Variants in TSHZ2 observed in about 807,000 individuals in gnomAD.
TSHZ2 encodes the protein teashirt zinc finger homeobox 2, also known as teashirt homolog 2.
Under a neutral mutation model 74.4 loss-of-function variants are expected in TSHZ2, and 21 were observed. The ratio of observed to expected loss-of-function variants is 0.28; its 90% CI spans 0.20 to 0.41. TSHZ2 has a LOEUF of 0.41. TSHZ2 is among the 10% of genes least tolerant of loss of function. TSHZ2 has a pLI of 1.00. For missense variants in TSHZ2, 1,244 were observed against 1,293.5 expected, an observed-to-expected ratio of 0.96 and a Z score of 0.59; for synonymous variants, 540 against 515.3, an observed-to-expected ratio of 1.05 and a Z score of -0.65.
intron 1 of TSHZ2, among the ~76,000 whole-genome samples, chr20:53,129,917 T>A (rs1031525241): frequency 2.0e-4 from 30 of 151,912 alleles, no homozygotes; most frequent in African/African-American, 6.0e-4. Flanking sequence ...CAACCCTGTG[T>A]TGACAATTTC....
intron 1 of TSHZ2, 135 bp downstream of exon 1, chr20:52,973,468 C>G (rs996617230): frequency 1.7e-6 from 2 of 1,145,824 alleles, no homozygotes; most frequent in African/African-American, 3.1e-5. Context: ...TTCTAATAAC[C>G]CCGTCCTCTC....
intron 2 of TSHZ2, among the ~76,000 whole-genome samples, chr20:53,394,776 A>C (rs1278237873): frequency 3.3e-5 from 5 of 150,472 alleles, no homozygotes; most frequent in Non-Finnish European, 7.4e-5. Context: ...AAAAAAAAAA[A>C]AAAACTGTTC....
Position 53,255,769 on chromosome 20 carries a change from A to G in TSHZ2, c.2311A>G (p.Lys771Glu). 1 of 1,614,044 alleles carries G rather than the reference A, an allele frequency of 6.2e-7. No individual in the cohort carries two copies. The highest frequency in any genetic ancestry group is 8.5e-7 in the Non-Finnish European group (1 of 1,179,984). The change falls in exon 2 of 3, where the codon AAA (lysine) becomes GAA (glutamate). Residue 771 changes from lysine (K) to glutamate (E), a missense_variant. Lys to Glu is a moderately conservative substitution (Grantham distance 56). This residue lies in a region of TSHZ2 where 562 missense variants were observed against 544.0 expected (regional missense o/e 1.03). Coordinates refer to ENST00000371497, the MANE Select transcript of TSHZ2 (RefSeq NM_173485.6). This position sits in a 1 kb window ranked among gnomAD's most constrained non-coding sequence, Gnocchi z 4.1. ...TCAGCCCATTGACCTGACCAAGTCC[A>G]AAAGCAAGAAAGCCGAGTCCTCGCA... ...SDQPIDLTKSKSKKAESSQAQ... is the reference protein window; with the variant it reads ...SDQPIDLTKSESKKAESSQAQ...
At position 53,160,745 on chromosome 20, in the gene TSHZ2, C is replaced by CAAAAAAAA. The variant is rs10653039; in HGVS notation, c.41-92743_41-92736dup. Among the ~76,000 whole-genome samples, 15 of 95,828 alleles carry CAAAAAAAA rather than the reference C, an allele frequency of 1.6e-4. 2 individuals carry two copies. Among genetic ancestry groups the CAAAAAAAA allele is most frequent in the African/African-American group, 5.9e-4 (14 of 23,664 alleles). 62.9% of individuals were successfully genotyped at this position (95,828 alleles called of 152,430 possible). On this transcript the variant is annotated intron_variant, in intron 1 of 2. Transcript: ENST00000371497. ...GGGTGACAGGGCAAGACTCTGTCTC[C>CAAAAAAAA]AAAAAAAAAAAAAAAAAAGACATTT...
chr20:53,109,536 G>A (rs1337368103), intron 1 of TSHZ2, among the ~76,000 whole-genome samples: 2 of 152,202 alleles, frequency 1.3e-5, no homozygotes, highest in Non-Finnish European at 2.9e-5. Context: ...AGACGTAGTT[G>A]CATGGCCCAT....
At chr20:53,154,353 A>G (rs2123448004) in intron 1 of TSHZ2, among the ~76,000 whole-genome samples, 1 of 152,336 alleles carries the variant, frequency 6.6e-6, no homozygotes, top group Non-Finnish European at 1.5e-5. Context: ...ATTCATTAGA[A>G]ATAAGTGTCT....
At chr20:53,192,571 A>AAAT (rs1381080271) in intron 1 of TSHZ2, among the ~76,000 whole-genome samples, 1 of 151,048 alleles carries the variant, frequency 6.6e-6, no homozygotes, top group Non-Finnish European at 1.5e-5. Flanking sequence ...GGAAAAAAAA[A>AAAT]AAAAAAACCC....
At chr20:52,989,164 CAA>C (rs3995491) in intron 1 of TSHZ2, among the ~76,000 whole-genome samples, 2,265 of 126,124 alleles carry the variant, frequency 0.018, 38 homozygotes, top group African/African-American at 0.05. Flanking sequence ...CTCTGTCTGG[CAA>C]AAAAAAAAAA....
At chr20:53,058,601 T>C (rs1193077003) in intron 1 of TSHZ2, among the ~76,000 whole-genome samples, 7 of 152,320 alleles carry the variant, frequency 4.6e-5, no homozygotes, top group African/African-American at 1.7e-4. Flanking sequence ...GTGGGGCCAG[T>C]GTCATTCAAA....
chr20:53,292,999 C>T (rs1991309366), intron 2 of TSHZ2, among the ~76,000 whole-genome samples: 3 of 152,164 alleles, frequency 2.0e-5, no homozygotes, highest in African/African-American at 7.2e-5. Context: ...CATTCACAGT[C>T]AATAGTTTAA....
At chr20:53,029,864 A>G (rs1040002324) in intron 1 of TSHZ2, among the ~76,000 whole-genome samples, 3 of 151,708 alleles carry the variant, frequency 2.0e-5, no homozygotes, top group African/African-American at 4.8e-5. Flanking sequence ...AGTTTTTTTG[A>G]TATCTCCCAA....
At chr20:53,211,263 C>T (rs111293780) in intron 1 of TSHZ2, among the ~76,000 whole-genome samples, 3 of 152,084 alleles carry the variant, frequency 2.0e-5, no homozygotes, top group Non-Finnish European at 2.9e-5. Context: ...CCAAGATCGG[C>T]GTTTAAAATT....
intron 2 of TSHZ2, among the ~76,000 whole-genome samples, chr20:53,377,458 T>G (rs1981697467): frequency 6.6e-6 from 1 of 152,244 alleles, no homozygotes. Flanking sequence ...GACTATCAGA[T>G]GTCAGCAAAC....
intron 1 of TSHZ2, among the ~76,000 whole-genome samples, chr20:53,025,594 G>A (rs376080719): frequency 3.3e-5 from 5 of 152,078 alleles, no homozygotes; most frequent in South Asian, 4.1e-4. Flanking sequence ...GCCTGCCCCC[G>A]GCAGATGACA....
At chr20:53,086,564 C>T (rs1358920891) in intron 1 of TSHZ2, among the ~76,000 whole-genome samples, 1 of 152,090 alleles carries the variant, frequency 6.6e-6, no homozygotes, top group Non-Finnish European at 1.5e-5. Flanking sequence ...GTTGGAGAAA[C>T]CTCCTGTCAG....
At chr20:53,390,807 A>G (rs1479062735) in intron 2 of TSHZ2, among the ~76,000 whole-genome samples, 2 of 152,132 alleles carry the variant, frequency 1.3e-5, no homozygotes, top group Admixed American at 1.3e-4. Context: ...CCTCTCCAGC[A>G]TCTGTTGTTT....
At chr20:53,449,198 T>C (rs1341722448) in intron 2 of TSHZ2, among the ~76,000 whole-genome samples, 1 of 152,186 alleles carries the variant, frequency 6.6e-6, no homozygotes, top group Admixed American at 6.5e-5. Context: ...TAACATGTGG[T>C]CCCTGGAGTC....
chr20:53,144,766 A>G (rs1458876230), intron 1 of TSHZ2, among the ~76,000 whole-genome samples: 1 of 152,036 alleles, frequency 6.6e-6, no homozygotes, highest in East Asian at 1.9e-4. Context: ...CTATGAGGTT[A>G]TATGGGTAAA....
intron 2 of TSHZ2, among the ~76,000 whole-genome samples, chr20:53,310,385 G>A (rs192580387): frequency 2.0e-4 from 31 of 152,296 alleles, no homozygotes; most frequent in East Asian, 7.7e-4. Flanking sequence ...TGAATAATGC[G>A]TGTATTTGTA....
Sources: allele counts gnomAD v4.1 joint callset (sites outside exome capture counted in the v4.1 genomes callset), GRCh38; gene constraint gnomAD v4.1.1; regional missense constraint gnomAD v4.1.1; non-coding constraint Gnocchi (gnomAD v3.1); transcripts MANE v1.5; gene names NCBI Gene and HGNC (gene_info 2026-07-23, HGNC 2026-07-21).